The following NOL4 variants were observed in gnomAD, a reference collection of about 807,000 sequenced individuals.
NOL4 encodes nucleolar protein 4.
Under a neutral mutation model 75.9 loss-of-function variants are expected in NOL4, and 17 were observed. The observed-to-expected ratio is 0.22, with a 90% CI of 0.15 to 0.34. The LOEUF is 0.34. Among genes scored for constraint, NOL4 ranks in the 10% least tolerant of loss-of-function variants. The pLI is 1.00. For synonymous variants in NOL4, 292 were observed against 289.9 expected (o/e 1.01, Z -0.07); for missense variants, 614 against 793.5 (o/e 0.77, Z 2.72).
intron 2 of NOL4, among the ~76,000 whole-genome samples, chr18:34,110,517 A>G (rs1223845394): frequency 1.3e-5 from 2 of 152,196 alleles, no homozygotes; most frequent in African/African-American, 4.8e-5. Flanking sequence ...ACAAATATGT[A>G]TAGAAGAAAT....
At chr18:34,218,099 C>CAA (rs79445733) in intron 1 of NOL4, among the ~76,000 whole-genome samples, 15 of 128,146 alleles carry the variant, frequency 1.2e-4, no homozygotes, top group Admixed American at 2.4e-4. Flanking sequence ...CCAGTTAGAC[C>CAA]AAAAAAAAAA....
rs542918953 is a variant in NOL4 at position 34,034,615 on chromosome 18, G to A, written c.773-15014C>T. On this transcript the variant is annotated intron_variant, in intron 5 of 10. Transcript: ENST00000261592. ...TCAGCTGGGCATAGTGGTGCACACC[G>A]ATAGTCCCAGCTACTCAGGAGGCTG... is the stretch of plus-strand genomic sequence containing the variant. Among the ~76,000 whole-genome samples, 32 of 152,028 alleles carry A rather than the reference G, an allele frequency of 2.1e-4. No individual in the cohort carries two copies. In the South Asian group the frequency reaches 6.5e-3, roughly 31 times the overall value.
At chr18:33,881,375 T>A (rs1216768279) in intron 10 of NOL4, among the ~76,000 whole-genome samples, 1 of 149,304 alleles carries the variant, frequency 6.7e-6, no homozygotes, top group Non-Finnish European at 1.5e-5. Flanking sequence ...CCTGCCTAAT[T>A]GCCCTGGCCA....
At chr18:33,915,591 T>G (rs2066670459) in intron 9 of NOL4, among the ~76,000 whole-genome samples, 1 of 152,040 alleles carries the variant, frequency 6.6e-6, no homozygotes, top group Admixed American at 6.6e-5. Flanking sequence ...GCTAGAGGCA[T>G]GAAATGCTCA....
chr18:34,004,642 T>C (rs1464381169), intron 6 of NOL4, among the ~76,000 whole-genome samples: 1 of 152,098 alleles, frequency 6.6e-6, no homozygotes, highest in Non-Finnish European at 1.5e-5. Context: ...CATGTTATGG[T>C]TAAGTAAACT....
intron 6 of NOL4, among the ~76,000 whole-genome samples, chr18:33,985,754 C>G (rs1313455961): frequency 6.6e-6 from 1 of 152,056 alleles, no homozygotes; most frequent in Admixed American, 6.6e-5. Flanking sequence ...AAAGTTTTAT[C>G]CATAATCTAT....
chr18:34,134,340 A>T (rs1040343123), intron 1 of NOL4, among the ~76,000 whole-genome samples: 2 of 151,878 alleles, frequency 1.3e-5, no homozygotes, highest in African/African-American at 4.8e-5. Context: ...AATATAATTT[A>T]AAAATATAAT....
intron 9 of NOL4, among the ~76,000 whole-genome samples, chr18:33,888,597 A>G (rs939886600): frequency 2.0e-5 from 3 of 152,084 alleles, no homozygotes; most frequent in Non-Finnish European, 4.4e-5. Context: ...ATTATTGTAT[A>G]CTGTGTAAGG....
intron 9 of NOL4, among the ~76,000 whole-genome samples, chr18:33,929,493 C>T (rs1469531776): frequency 6.6e-6 from 1 of 152,180 alleles, no homozygotes; most frequent in African/African-American, 2.4e-5. Flanking sequence ...GCTAATTTCA[C>T]TTATCTTTAA....
intron 5 of NOL4, among the ~76,000 whole-genome samples, chr18:34,048,978 T>C (rs891158716): frequency 1.3e-5 from 2 of 151,908 alleles, no homozygotes; most frequent in Non-Finnish European, 2.9e-5. Flanking sequence ...ATGATTACAA[T>C]GAGTTGAGAA....
chr18:34,187,334 T>A (rs144123247), intron 1 of NOL4, among the ~76,000 whole-genome samples: 280 of 151,866 alleles, frequency 1.8e-3, no homozygotes, highest in African/African-American at 6.3e-3. Context: ...GCATTTAAGG[T>A]TCTTCTATGT....
intron 1 of NOL4, among the ~76,000 whole-genome samples, chr18:34,205,660 T>C (rs185739783): frequency 7.1e-4 from 108 of 152,182 alleles, no homozygotes; most frequent in African/African-American, 2.5e-3. Context: ...GTGAATCACA[T>C]TGACAACCTA....
intron 6 of NOL4, among the ~76,000 whole-genome samples, chr18:33,983,955 T>C (rs1046308885): frequency 3.9e-5 from 6 of 152,088 alleles, no homozygotes; most frequent in Admixed American, 6.6e-5. Flanking sequence ...TACAAAGTAA[T>C]GTATTAAAGA....
At chr18:33,934,256 A>G (rs1365028058) in intron 9 of NOL4, among the ~76,000 whole-genome samples, 3 of 152,038 alleles carry the variant, frequency 2.0e-5, no homozygotes, top group Non-Finnish European at 4.4e-5. Flanking sequence ...TGTTTCATTT[A>G]TGGAACACAG....
At chr18:33,947,182 CATT>C (rs2068894836) in intron 8 of NOL4, among the ~76,000 whole-genome samples, 1 of 151,778 alleles carries the variant, frequency 6.6e-6, no homozygotes, top group South Asian at 2.1e-4. Context: ...AAATTTTTCT[CATT>C]ATAAAAGTAA....
At chr18:34,183,146 A>G (rs1375492954) in intron 1 of NOL4, among the ~76,000 whole-genome samples, 1 of 151,862 alleles carries the variant, frequency 6.6e-6, no homozygotes, top group Non-Finnish European at 1.5e-5. Flanking sequence ...ATATTTGCAA[A>G]TCACATTTCT....
chr18:34,115,380 C>A (rs1483622683), intron 2 of NOL4, among the ~76,000 whole-genome samples: 1 of 152,016 alleles, frequency 6.6e-6, no homozygotes, highest in Non-Finnish European at 1.5e-5. Flanking sequence ...CTCCCTGCAA[C>A]CTCAAAGTCA....
At chr18:34,097,394 C>T (rs550229310) in intron 4 of NOL4, among the ~76,000 whole-genome samples, 1 of 101,670 alleles carries the variant, frequency 9.8e-6, no homozygotes, top group Admixed American at 9.6e-5. Context: ...AATTCATATC[C>T]CCAGGTCCCA....
intron 5 of NOL4, among the ~76,000 whole-genome samples, chr18:34,035,349 A>G (rs2075836905): frequency 1.3e-5 from 2 of 152,174 alleles, no homozygotes; most frequent in South Asian, 2.1e-4. Context: ...ATTAAACAAT[A>G]TACTCCTGAA....
Sources: gnomAD v4.1 joint callset for allele counts (sites outside exome capture counted in the v4.1 genomes callset) on GRCh38, gnomAD v4.1.1 for gene constraint, MANE v1.5 for transcripts, NCBI Gene and HGNC (gene_info 2026-07-23, HGNC 2026-07-21) for gene names.